CSMD1: variants seen among roughly 807,000 people sequenced by gnomAD.
CSMD1 encodes the protein CUB and Sushi multiple domains 1, also known as CUB and sushi domain-containing protein 1.
A neutral mutation model predicts 417.5 loss-of-function variants in CSMD1; 213 were observed. The ratio of observed to expected loss-of-function variants is 0.51; its 90% CI spans 0.46 to 0.57. CSMD1 has a LOEUF of 0.57. Ranked by LOEUF, CSMD1 falls within the 20% of genes least tolerant of loss-of-function variation. The pLI, the probability that CSMD1 is intolerant of heterozygous loss-of-function variation, is 0.00. For synonymous variants in CSMD1, 2,862 were observed against 1,736.8 expected (o/e 1.65, Z -16.11); for missense variants, 6,923 against 4,529.7 (o/e 1.53, Z -15.17).
chr8:4,318,496 C>T (rs1408458656), intron 3 of CSMD1, among the ~76,000 whole-genome samples: 1 of 151,936 alleles, frequency 6.6e-6, no homozygotes, highest in Non-Finnish European at 1.5e-5. Context: ...CATTCAGGAC[C>T]TACTCAACTG....
intron 5 of CSMD1, among the ~76,000 whole-genome samples, chr8:3,762,924 C>T (rs189142362): frequency 7.9e-5 from 12 of 152,020 alleles, no homozygotes; most frequent in East Asian, 5.8e-4. Context: ...CACCTGCCTA[C>T]GCCCCACAGA....
At chr8:4,917,901 G>C (rs1418347207) in intron 1 of CSMD1, among the ~76,000 whole-genome samples, 1 of 152,108 alleles carries the variant, frequency 6.6e-6, no homozygotes, top group African/African-American at 2.4e-5. Context: ...ATTCAAAACA[G>C]GTCACTGCTC....
At chr8:3,578,333 T>G (rs1800238871) in intron 9 of CSMD1, among the ~76,000 whole-genome samples, 1 of 152,090 alleles carries the variant, frequency 6.6e-6, no homozygotes, top group Admixed American at 6.6e-5. Context: ...CAGGGAGCTT[T>G]GGTGATGATC....
At chr8:4,095,060 G>C (rs1800930099) in intron 3 of CSMD1, among the ~76,000 whole-genome samples, 1 of 152,126 alleles carries the variant, frequency 6.6e-6, no homozygotes, top group Non-Finnish European at 1.5e-5. Flanking sequence ...TTGAGCTTTG[G>C]GCTAACAAGA....
At chr8:3,697,636 C>T (rs1264228074) in intron 7 of CSMD1, among the ~76,000 whole-genome samples, 1 of 152,122 alleles carries the variant, frequency 6.6e-6, no homozygotes, top group East Asian at 1.9e-4. Flanking sequence ...TGTTTTGACT[C>T]TGTGGGCGCC....
chr8:4,925,367 C>A (rs908970097), intron 1 of CSMD1, among the ~76,000 whole-genome samples: 1 of 151,502 alleles, frequency 6.6e-6, no homozygotes, highest in African/African-American at 2.4e-5. Flanking sequence ...TGAAACCTGA[C>A]ATTTCTTTAG....
chr8:4,011,602 T>G (rs1816539041), intron 4 of CSMD1, among the ~76,000 whole-genome samples: 1 of 152,176 alleles, frequency 6.6e-6, no homozygotes, highest in Admixed American at 6.5e-5. Context: ...ACTCAAGATC[T>G]CAGTGACATT....
chr8:3,496,824 C>T (rs565126485), intron 10 of CSMD1, among the ~76,000 whole-genome samples: 27 of 151,828 alleles, frequency 1.8e-4, no homozygotes, highest in Admixed American at 3.9e-4. Context: ...AGTGAGACTC[C>T]GTCTCAAAAA....
At chr8:4,568,882 C>T (rs971395527) in intron 2 of CSMD1, among the ~76,000 whole-genome samples, 1 of 152,146 alleles carries the variant, frequency 6.6e-6, no homozygotes, top group Non-Finnish European at 1.5e-5. Context: ...TGATGATGAT[C>T]CTTTTTTTCA....
chr8:3,707,500 C>A (rs142847776), intron 7 of CSMD1, among the ~76,000 whole-genome samples: 3 of 152,164 alleles, frequency 2.0e-5, no homozygotes, highest in East Asian at 3.9e-4. Flanking sequence ...CTAGAAGAAG[C>A]GTGAGCAGAA....
At chr8:3,420,484 C>T (rs1464794090) in intron 12 of CSMD1, among the ~76,000 whole-genome samples, 1 of 148,768 alleles carries the variant, frequency 6.7e-6, no homozygotes, top group Non-Finnish European at 1.5e-5. Flanking sequence ...ATAACGTTTC[C>T]ATGTTGTGAT....
chr8:4,603,884 A>G (rs1440679581), intron 2 of CSMD1, among the ~76,000 whole-genome samples: 2 of 152,088 alleles, frequency 1.3e-5, no homozygotes, highest in African/African-American at 4.8e-5. Context: ...AATGATTTTA[A>G]TTTTATAAGT....
chr8:4,667,147 T>A (rs1282703090), intron 1 of CSMD1, among the ~76,000 whole-genome samples: 1 of 152,168 alleles, frequency 6.6e-6, no homozygotes, highest in East Asian at 1.9e-4. Flanking sequence ...CTTTCTCAAA[T>A]ATTGTTCGGC....
intron 1 of CSMD1, among the ~76,000 whole-genome samples, chr8:4,761,920 T>A (rs113461653): frequency 3.0e-4 from 43 of 143,220 alleles, no homozygotes; most frequent in African/African-American, 8.1e-4. Flanking sequence ...TCAATCTATC[T>A]ATCTATCTAT....
chr8:3,690,508 G>C (rs1475032376), intron 7 of CSMD1, among the ~76,000 whole-genome samples: 1 of 152,164 alleles, frequency 6.6e-6, no homozygotes, highest in Admixed American at 6.5e-5. Flanking sequence ...ACTAACTAGG[G>C]GACGCCTCCC....
At chr8:4,021,994 C>G (rs1796811133) in intron 4 of CSMD1, among the ~76,000 whole-genome samples, 1 of 151,804 alleles carries the variant, frequency 6.6e-6, no homozygotes, top group Admixed American at 6.6e-5. Context: ...ATAGTTAGGT[C>G]TGTCTAATTC....
intron 4 of CSMD1, among the ~76,000 whole-genome samples, chr8:4,031,376 G>T (rs572738185): frequency 2.0e-5 from 3 of 152,154 alleles, no homozygotes; most frequent in Non-Finnish European, 4.4e-5. Context: ...TACATGCATG[G>T]CAGCAGGCAA....
In CSMD1 at chr8:3,104,642, G is replaced by A. The variant is rs17079349; in HGVS notation, c.6949+1886C>T. ...GTAGAAGACTGTTTCTCTCTTTCAG[G>A]GTGCCTGGAATCCTGCCTCATTCCA... On this transcript the variant is annotated intron_variant, in intron 46 of 69. Coordinates refer to ENST00000635120, the MANE Select transcript of CSMD1 (RefSeq NM_033225.6). Among the ~76,000 whole-genome samples the A allele has an allele frequency of 9.6e-3, 1,452 of 151,684 alleles. 22 individuals are homozygous for A. The highest frequency in any genetic ancestry group is 0.031 in the African/African-American group (1,280 of 41,344).
At chr8:3,755,664 G>C (rs184421690) in intron 5 of CSMD1, among the ~76,000 whole-genome samples, 19 of 152,206 alleles carry the variant, frequency 1.2e-4, no homozygotes, top group Admixed American at 8.5e-4. Flanking sequence ...AGCAACACCA[G>C]ATGAAATACA....
Sources: allele counts gnomAD v4.1 joint callset (sites outside exome capture counted in the v4.1 genomes callset), GRCh38; gene constraint gnomAD v4.1.1; transcripts MANE v1.5; gene names NCBI Gene and HGNC (gene_info 2026-07-23, HGNC 2026-07-21).